The following ATP4A variants were observed in gnomAD, a reference collection of about 807,000 sequenced individuals.
The protein encoded by ATP4A is potassium-transporting ATPase alpha chain 1.
ATP4A carries 73 observed loss-of-function variants against 112.1 expected under a neutral mutation model. The observed-to-expected ratio is 0.65, with a 90% CI of 0.54 to 0.79. The LOEUF (loss-of-function observed/expected upper bound fraction) is 0.79. ATP4A is among the 30% of genes least tolerant of loss of function. The probability of loss-of-function intolerance (pLI) is 0.00; values close to 1 mark genes in which losing one functional copy is unlikely to be tolerated. For missense variants in ATP4A, 1,081 were observed against 1,425.9 expected (o/e 0.76, Z 3.90); for synonymous variants, 588 against 588.9 (o/e 1.00, Z 0.02).
Position 35,551,530 on chromosome 19 carries a change from G to A in ATP4A, c.2802C>T (p.Phe934=), listed in dbSNP as rs372311812. Residue 934 remains phenylalanine, a synonymous_variant, in exon 19 of 22, where the codon TTC becomes TTT. Transcript: ENST00000262623. The surrounding 1 kb of genome is among the most constrained non-coding windows in gnomAD (Gnocchi z 5.2). ...YQQYTCYTVF[F]ISIEVCQIAD... The stretch of plus-strand genomic sequence containing the variant: ...CGATCTGGCACACCTCAATGCTGAT[G>A]AAGAACACGGTGTAGCAGGTGTACT... 4.3e-6 allele frequency: 7 copies of A among 1,613,908 alleles called. No homozygotes were observed. Among genetic ancestry groups the A allele is most frequent in the Non-Finnish European group, 5.9e-6 (7 of 1,179,964 alleles).
Position 35,554,913 on chromosome 19 carries a change from T to C in ATP4A, c.2481+9A>G. 1 of 1,614,010 alleles carries C rather than the reference T, an allele frequency of 6.2e-7. No individual in the cohort carries two copies. The highest frequency in any genetic ancestry group is 8.5e-7 in the Non-Finnish European group (1 of 1,179,986). On this transcript the variant is annotated intron_variant, in intron 16 of 21. Coordinates refer to ENST00000262623, the MANE Select transcript of ATP4A (RefSeq NM_000704.3). ...CCCTGTGGATGGGTACCCTGGGCTG[T>C]GGACTTACAATGTCAGTGCAGAGTT... is the stretch of plus-strand genomic sequence containing the variant.
At position 35,558,308 on chromosome 19, in the gene ATP4A, G is replaced by A; in HGVS notation, c.1500+54C>T. ...TGGCCCGCTGATGTGGGTGTGGCCTGGGGCGGGGCCCGAGGTGGGCGGGCC... is the reference window on the plus strand; with the variant it reads ...TGGCCCGCTGATGTGGGTGTGGCCTAGGGCGGGGCCCGAGGTGGGCGGGCC... On this transcript the variant is annotated intron_variant, in intron 10 of 21. Coordinates refer to ENST00000262623, the MANE Select transcript of ATP4A (RefSeq NM_000704.3). The surrounding 1 kb of genome is among the most constrained non-coding windows in gnomAD (Gnocchi z 5.1). The A allele has an allele frequency of 6.4e-7, 1 of 1,564,608 alleles. No individual in the cohort carries two copies. Among genetic ancestry groups the A allele is most frequent in the Non-Finnish European group, 8.7e-7 (1 of 1,154,442 alleles).
In ATP4A at chr19:35,557,856, G is replaced by T. The variant is rs760628175; in HGVS notation, c.1501-9C>A. On this transcript the variant is annotated splice_polypyrimidine_tract_variant and intron_variant, in intron 10 of 21. Coordinates refer to ENST00000262623, the MANE Select transcript of ATP4A (RefSeq NM_000704.3). The surrounding 1 kb of genome is among the most constrained non-coding windows in gnomAD (Gnocchi z 4.4). ...AGCGTATGGATGGACAGCTGTGGGC[G>T]GGGGGGAGAGGCGAGGCTGTGGACG... The T allele has an allele frequency of 1.8e-5, 27 of 1,463,640 alleles. No individual in the cohort carries two copies. Among genetic ancestry groups the T allele is most frequent in the Middle Eastern group, 2.5e-4 (1 of 4,054 alleles). The allele number at this position is 1,463,640 out of a possible 1,614,324, so 90.7% of individuals were successfully genotyped here.
In ATP4A at chr19:35,551,448, T is replaced by C; in HGVS notation, c.2884A>G (p.Arg962Gly). 1.2e-6 allele frequency: 2 copies of C among 1,614,012 alleles called. No individual in the cohort carries two copies. The highest frequency in any genetic ancestry group is 1.7e-6 in the Non-Finnish European group (2 of 1,180,002). ...AGGAAGAGGGCCAGCCAGGGACACCTGAAGAAGCCTTGCTGGAAGGCAGAG... is the reference window on the plus strand; with the variant it reads ...AGGAAGAGGGCCAGCCAGGGACACCCGAAGAAGCCTTGCTGGAAGGCAGAG... ...RLSAFQQGFFRNKILVIAIVF... is the reference protein window; with the variant it reads ...RLSAFQQGFFGNKILVIAIVF... Residue 962 changes from arginine (R) to glycine (G), a missense_variant and splice_region_variant, in exon 19 of 22, where the codon AGG becomes GGG. Around this residue, in one of 3 missense-constraint regions of ATP4A, gnomAD observed 219 missense variants for 320.9 expected, o/e 0.68. Coordinates refer to ENST00000262623, the MANE Select transcript of ATP4A (RefSeq NM_000704.3). This position sits in a 1 kb window ranked among gnomAD's most constrained non-coding sequence, Gnocchi z 5.2.
At chr19:35,562,404 G>A in intron 4 of ATP4A, 31 bp downstream of exon 4, 1 of 1,602,828 alleles carries the variant, frequency 6.2e-7, no homozygotes, top group Non-Finnish European at 8.5e-7. Flanking sequence ...AGGTCCCCAT[G>A]TCCTGAGCCT....
At position 35,550,407 on chromosome 19, in the gene ATP4A, G is replaced by T; in HGVS notation, c.*208C>A. Reference sequence around the variant, plus strand: ...CAGCCCAGAGGACTGCCCAGGCGCTGCTGCTCCAGGAGGTGCGAACCTTGG... The same window carrying T: ...CAGCCCAGAGGACTGCCCAGGCGCTTCTGCTCCAGGAGGTGCGAACCTTGG... On this transcript the variant is annotated 3_prime_UTR_variant, in exon 22 of 22. Transcript: ENST00000262623. This position sits in a 1 kb window ranked among gnomAD's most constrained non-coding sequence, Gnocchi z 4.1. 1.5e-6 allele frequency: 1 copy of T among 646,664 alleles called. No homozygotes were observed. The highest frequency in any genetic ancestry group is 2.6e-6 in the Non-Finnish European group (1 of 382,018). 40.1% of individuals were successfully genotyped at this position (646,664 alleles called of 1,614,324 possible). A position where few individuals can be genotyped will look rare whatever the true frequency, so the allele number is the denominator to read the frequency against.
intron 3 of ATP4A, among the ~76,000 whole-genome samples, chr19:35,562,979 CCTCTCT>C (rs1209003482): frequency 6.6e-6 from 1 of 150,934 alleles, no homozygotes; most frequent in Non-Finnish European, 1.5e-5. Flanking sequence ...TCTCCCTCTC[CCTCTCT>C]CTCCCTCTCT....
In ATP4A at chr19:35,558,551, T is replaced by TTCCCTGGAGGC; in HGVS notation, c.1365+15_1365+25dup. ...AGCCGGCTACACCAGCCTCCCGGGA[T>TTCCCTGGAGGC]TCCCTGGAGGCCCCCTGGCTCTCAC... On this transcript the variant is annotated intron_variant, in intron 9 of 21. Transcript: ENST00000262623. This position sits in a 1 kb window ranked among gnomAD's most constrained non-coding sequence, Gnocchi z 5.1. The TTCCCTGGAGGC allele has an allele frequency of 6.3e-7, 1 of 1,591,116 alleles. No individual in the cohort carries two copies. Among genetic ancestry groups the TTCCCTGGAGGC allele is most frequent in the Non-Finnish European group, 8.6e-7 (1 of 1,169,250 alleles).
In ATP4A at chr19:35,562,636, G is replaced by A. The variant is rs745675095; in HGVS notation, c.219C>T (p.Gly73=). 6.3e-7 allele frequency: 1 copy of A among 1,593,548 alleles called. No homozygotes were observed. The highest frequency in any genetic ancestry group is 1.1e-5 in the South Asian group (1 of 88,488). Residue 73 remains glycine, a splice_region_variant and synonymous_variant, in exon 4 of 22, where the codon GGC becomes GGT. Transcript: ENST00000262623. The part of the protein sequence containing the change: ...EQKYQTSATK[G]LSASLAAELL... Reference sequence around the variant, plus strand: ...GCTCAGCAGCCAGGCTCGCAGAGAGGCCCTGGGACAGAGGGGCAGGGCGAG... The same window carrying A: ...GCTCAGCAGCCAGGCTCGCAGAGAGACCCTGGGACAGAGGGGCAGGGCGAG...
intron 12 of ATP4A, among the ~76,000 whole-genome samples, chr19:35,556,091 TG>T (rs2146308589): frequency 6.6e-6 from 1 of 152,214 alleles, no homozygotes; most frequent in Admixed American, 6.5e-5. Flanking sequence ...CGATTTTAAG[TG>T]TACCCAGGGA....
chr19:35,561,759 C>G (rs944858244), intron 4 of ATP4A, among the ~76,000 whole-genome samples: 1 of 151,664 alleles, frequency 6.6e-6, no homozygotes, highest in African/African-American at 2.4e-5. Context: ...CCCTGGTGTC[C>G]TATGTCTGAG....
At position 35,563,275 on chromosome 19, in the gene ATP4A, G is replaced by T. The variant is rs991055361; in HGVS notation, c.157-7C>A. 1.9e-6 allele frequency: 3 copies of T among 1,613,936 alleles called. No individual in the cohort carries two copies. The African/African-American group carries it at 4.0e-5, about 22-fold the overall frequency. On this transcript the variant is annotated splice_region_variant and splice_polypyrimidine_tract_variant and intron_variant, in intron 2 of 21. Transcript: ENST00000262623. ...CTGACAGCTGGTGGTCGTTCTGTGTGGTGGGGTGGGGCAGGGTGCTTGCTC... is the reference window on the plus strand; with the variant it reads ...CTGACAGCTGGTGGTCGTTCTGTGTTGTGGGGTGGGGCAGGGTGCTTGCTC...
chr19:35,555,665 G>C lies in ATP4A; in HGVS notation c.2006+11C>G, dbSNP rs80198561. On this transcript the variant is annotated intron_variant, in intron 13 of 21. Coordinates refer to ENST00000262623, the MANE Select transcript of ATP4A (RefSeq NM_000704.3). The surrounding 1 kb of genome is among the most constrained non-coding windows in gnomAD (Gnocchi z 6.6). ...GTGGGGAGAACCCCGGGGAGGTCTGGGGGGGCTTACTTGCGATTAACCTGG... is the reference window on the plus strand; with the variant it reads ...GTGGGGAGAACCCCGGGGAGGTCTGCGGGGGCTTACTTGCGATTAACCTGG... 36 of 1,596,030 alleles carry C rather than the reference G, an allele frequency of 2.3e-5. No homozygotes were observed. Among genetic ancestry groups the C allele is most frequent in the Non-Finnish European group, 3.0e-5 (35 of 1,165,576 alleles).
chr19:35,550,553 C>T lies in ATP4A; in HGVS notation c.*62G>A. 6.3e-7 allele frequency: 1 copy of T among 1,599,758 alleles called. No individual in the cohort carries two copies. The highest frequency in any genetic ancestry group is 8.6e-7 in the Non-Finnish European group (1 of 1,167,960). Reference sequence around the variant, plus strand: ...ATATCTTGGTGGCTGTCCAGAGGGTCCCACGAGCCCTGCCCCCACCTGCTG... The same window carrying T: ...ATATCTTGGTGGCTGTCCAGAGGGTTCCACGAGCCCTGCCCCCACCTGCTG... On this transcript the variant is annotated 3_prime_UTR_variant, in exon 22 of 22. Coordinates refer to ENST00000262623, the MANE Select transcript of ATP4A (RefSeq NM_000704.3). The surrounding 1 kb of genome is among the most constrained non-coding windows in gnomAD (Gnocchi z 4.1).
At position 35,560,179 on chromosome 19, in the gene ATP4A, T is replaced by C. The variant is rs979928395; in HGVS notation, c.788-106A>G. 3.3e-6 allele frequency: 5 copies of C among 1,537,732 alleles called. No individual in the cohort carries two copies. Among genetic ancestry groups the C allele is most frequent in the Non-Finnish European group, 4.4e-6 (5 of 1,133,476 alleles). On this transcript the variant is annotated intron_variant, in intron 6 of 21. Coordinates refer to ENST00000262623, the MANE Select transcript of ATP4A (RefSeq NM_000704.3). This position sits in a 1 kb window ranked among gnomAD's most constrained non-coding sequence, Gnocchi z 5.1. ...GTCACTGCCAGTGGAGGATGTGACCTGGGAGAGGGTAGTGACAGTGGGAGA... is the reference window on the plus strand; with the variant it reads ...GTCACTGCCAGTGGAGGATGTGACCCGGGAGAGGGTAGTGACAGTGGGAGA...
chr19:35,561,357 G>A (rs965381609), intron 4 of ATP4A, among the ~76,000 whole-genome samples: 4 of 151,702 alleles, frequency 2.6e-5, no homozygotes, highest in African/African-American at 9.7e-5. Flanking sequence ...CACATCCTGG[G>A]TTTTCCATAA....
chr19:35,561,569 A>G (rs1007905734), intron 4 of ATP4A, among the ~76,000 whole-genome samples: 1 of 151,604 alleles, frequency 6.6e-6, no homozygotes, highest in Non-Finnish European at 1.5e-5. Context: ...TCCCATGGCC[A>G]TGACTTTTCG....
In ATP4A at chr19:35,560,112, G is replaced by A. The variant is rs772324040; in HGVS notation, c.788-39C>T. 35 of 1,608,606 alleles carry A rather than the reference G, an allele frequency of 2.2e-5. No homozygotes were observed. The highest frequency in any genetic ancestry group is 9.9e-5 in the South Asian group (9 of 90,636). On this transcript the variant is annotated intron_variant, in intron 6 of 21. Transcript: ENST00000262623. The surrounding 1 kb of genome is among the most constrained non-coding windows in gnomAD (Gnocchi z 5.1). ...AAGGCGCGACTCAGGGATAGGGGGC[G>A]GCAGTGGGGTGTGCACTGCCGTGTG...
Position 35,562,331 on chromosome 19 carries a change from G to T in ATP4A, c.420+104C>A. ...TGTCTTGAGACTGCCTTTCGTGTTCGTCTATCCCCATCCTTCTCTGCCCCT... is the reference window on the plus strand; with the variant it reads ...TGTCTTGAGACTGCCTTTCGTGTTCTTCTATCCCCATCCTTCTCTGCCCCT... On this transcript the variant is annotated intron_variant, in intron 4 of 21. Coordinates refer to ENST00000262623, the MANE Select transcript of ATP4A (RefSeq NM_000704.3). The T allele has an allele frequency of 2.2e-6, 3 of 1,355,078 alleles. 1 individual carries two copies. The highest frequency in any genetic ancestry group is 1.0e-6 in the Non-Finnish European group (1 of 987,390). The allele number at this position is 1,355,078 out of a possible 1,614,324, so 83.9% of individuals were successfully genotyped here. A position where few individuals can be genotyped will look rare whatever the true frequency, so the allele number is the denominator to read the frequency against.
Sources: gnomAD v4.1 joint callset for allele counts (sites outside exome capture counted in the v4.1 genomes callset) on GRCh38, gnomAD v4.1.1 for gene constraint, gnomAD v4.1.1 regional missense constraint, Gnocchi (gnomAD v3.1) non-coding constraint, MANE v1.5 for transcripts, NCBI Gene and HGNC (gene_info 2026-07-23, HGNC 2026-07-21) for gene names.